The following CRISPLD1 variants were observed in gnomAD, a reference collection of about 807,000 sequenced individuals.
The protein encoded by CRISPLD1 is cysteine rich secretory protein LCCL domain containing 1, also known as cysteine-rich secretory protein LCCL domain-containing 1.
Under a neutral mutation model 77.5 loss-of-function variants are expected in CRISPLD1, and 60 were observed. The ratio of observed to expected loss-of-function variants is 0.77; its 90% CI spans 0.63 to 0.96. The LOEUF (loss-of-function observed/expected upper bound fraction) is 0.96, where lower values mean the gene tolerates loss of function less well. Ranked by LOEUF, CRISPLD1 falls within the 40% of genes least tolerant of loss-of-function variation. The pLI is 0.00. For missense variants in CRISPLD1, 623 were observed against 615.8 expected (o/e 1.01, Z -0.12); for synonymous variants, 195 against 200.1 (o/e 0.97, Z 0.22).
intron 2 of CRISPLD1, among the ~76,000 whole-genome samples, chr8:75,008,072 A>G (rs1456970166): frequency 6.6e-6 from 1 of 152,190 alleles, no homozygotes; most frequent in Admixed American, 6.5e-5. Context: ...ACTAGTTTAA[A>G]AATATCATTG....
intron 4 of CRISPLD1, among the ~76,000 whole-genome samples, chr8:75,013,694 A>C (rs1040731384): frequency 6.6e-6 from 1 of 152,168 alleles, no homozygotes; most frequent in Admixed American, 6.5e-5. Context: ...AGAAATGTTA[A>C]TATGACATTA....
chr8:75,014,129 A>G lies in CRISPLD1; in HGVS notation c.626+27A>G, dbSNP rs543642319. Reference sequence around the variant, plus strand: ...TGAGTAGACAAAACACTACGTTCAGATGTACATTTTTCTTAACAAAATGAA... The same window carrying G: ...TGAGTAGACAAAACACTACGTTCAGGTGTACATTTTTCTTAACAAAATGAA... On this transcript the variant is annotated intron_variant, in intron 5 of 14. Coordinates refer to ENST00000262207, the MANE Select transcript of CRISPLD1 (RefSeq NM_031461.6). 8 of 1,388,832 alleles carry G rather than the reference A, an allele frequency of 5.8e-6. No individual in the cohort carries two copies. In the South Asian group the frequency reaches 9.3e-5, roughly 16 times the overall value. 86.0% of individuals were successfully genotyped at this position (1,388,832 alleles called of 1,614,324 possible). A position where few individuals can be genotyped will look rare whatever the true frequency, so the allele number is the denominator to read the frequency against.
chr8:75,011,008 C>T (rs1479442844), intron 2 of CRISPLD1, among the ~76,000 whole-genome samples: 1 of 151,890 alleles, frequency 6.6e-6, no homozygotes, highest in Non-Finnish European at 1.5e-5. Context: ...TTTCTCTTTC[C>T]CTATTTCCTT....
intron 6 of CRISPLD1, 108 bp downstream of exon 6, chr8:75,015,020 G>A (rs960575223): frequency 7.0e-6 from 4 of 570,964 alleles, no homozygotes; most frequent in Non-Finnish European, 1.2e-5. Flanking sequence ...CACACGAAAA[G>A]TATCTAGAAC....
chr8:75,017,552 G>T (rs1409124395), intron 10 of CRISPLD1, 102 bp downstream of exon 10: 3 of 1,034,882 alleles, frequency 2.9e-6, no homozygotes, highest in Admixed American at 3.0e-5. Flanking sequence ...TAAGAAGAAA[G>T]AATTTGGTTA....
intron 2 of CRISPLD1, among the ~76,000 whole-genome samples, chr8:75,001,727 A>C (rs1812745447): frequency 6.8e-6 from 1 of 147,928 alleles, no homozygotes; most frequent in African/African-American, 2.4e-5. Context: ...TTTAAGCCTC[A>C]ATTATGGAGA....
intron 14 of CRISPLD1, among the ~76,000 whole-genome samples, chr8:75,031,565 CTCTGTGTGTGTG>C (rs202023787): frequency 0.025 from 2,180 of 87,558 alleles, 51 homozygotes; most frequent in East Asian, 0.11. Context: ...AGATTGAATG[CTCTGTGTGTGTG>C]TGTGTGTGTG....
At chr8:74,985,311 A>G (rs558403271) in intron 1 of CRISPLD1, among the ~76,000 whole-genome samples, 1 of 152,292 alleles carries the variant, frequency 6.6e-6, no homozygotes, top group Non-Finnish European at 1.5e-5. Context: ...CTGAATAGGA[A>G]GAGACTTACC....
chr8:75,031,390 G>A (rs544624924), intron 14 of CRISPLD1, among the ~76,000 whole-genome samples: 2 of 151,990 alleles, frequency 1.3e-5, no homozygotes, highest in East Asian at 3.9e-4. Flanking sequence ...CAGTTGATTT[G>A]AATAAATAAT....
Position 75,032,271 on chromosome 8 carries a change from G to C in CRISPLD1, c.*29G>C, listed in dbSNP as rs770891151. ...TGAATACTTGGAAGAGGACCATAAAGACTATTCCAAATGCAATATTTCTGA... is the reference window on the plus strand; with the variant it reads ...TGAATACTTGGAAGAGGACCATAAACACTATTCCAAATGCAATATTTCTGA... On this transcript the variant is annotated 3_prime_UTR_variant, in exon 15 of 15. Transcript: ENST00000262207. 1 of 1,537,208 alleles carries C rather than the reference G, an allele frequency of 6.5e-7. No individual in the cohort carries two copies. Among genetic ancestry groups the C allele is most frequent in the Admixed American group, 1.7e-5 (1 of 57,862 alleles).
At chr8:75,023,791 CGTGT>C (rs892160096) in intron 12 of CRISPLD1, among the ~76,000 whole-genome samples, 4 of 67,616 alleles carry the variant, frequency 5.9e-5, no homozygotes, top group Non-Finnish European at 8.9e-5. Context: ...GTGATGAGTG[CGTGT>C]GTGTGTGTGT....
rs369315795 is a variant in CRISPLD1, at chr8:75,016,710, G to T, written c.868+5G>T. On this transcript the variant is annotated splice_donor_5th_base_variant and intron_variant, in intron 7 of 14. Coordinates refer to ENST00000262207, the MANE Select transcript of CRISPLD1 (RefSeq NM_031461.6). ...TCATAAGCGCACAGCAAATGTGTAA[G>T]ACCTCCATATTACTTATAAAAATTT... 6.2e-7 allele frequency: 1 copy of T among 1,609,170 alleles called. No homozygotes were observed. Among genetic ancestry groups the T allele is most frequent in the Non-Finnish European group, 8.5e-7 (1 of 1,177,908 alleles).
chr8:74,992,299 A>AT lies in CRISPLD1; in HGVS notation c.258+6060dup, dbSNP rs537259028. Among the ~76,000 whole-genome samples the AT allele has an allele frequency of 4.6e-3, 695 of 152,192 alleles. 2 individuals are homozygous for AT. Among genetic ancestry groups the AT allele is most frequent in the Non-Finnish European group, 7.9e-3 (537 of 68,018 alleles). On this transcript the variant is annotated intron_variant, in intron 2 of 14. Coordinates refer to ENST00000262207, the MANE Select transcript of CRISPLD1 (RefSeq NM_031461.6). The stretch of plus-strand genomic sequence containing the variant: ...GTATAAATGCTTCAAATAATTCAGG[A>AT]TTTTTTCCCTAGTTTTTCAAATTTT...
intron 6 of CRISPLD1, among the ~76,000 whole-genome samples, chr8:75,016,329 T>C (rs1389426749): frequency 2.0e-5 from 3 of 152,194 alleles, no homozygotes; most frequent in Non-Finnish European, 1.5e-5. Flanking sequence ...AGTGGCTTCA[T>C]TGAATATTAG....
chr8:75,015,838 T>C (rs189924419), intron 6 of CRISPLD1, among the ~76,000 whole-genome samples: 3 of 152,244 alleles, frequency 2.0e-5, no homozygotes, highest in Admixed American at 1.3e-4. Flanking sequence ...ACCTCCAACC[T>C]ACCTGCCTCT....
intron 6 of CRISPLD1, 32 bp from the exon 7 acceptor site, chr8:75,016,533 T>C (rs761451604): frequency 1.3e-6 from 2 of 1,584,470 alleles, no homozygotes; most frequent in Non-Finnish European, 1.7e-6. Flanking sequence ...TAAAATAGGG[T>C]TAATATTTCC....
intron 2 of CRISPLD1, among the ~76,000 whole-genome samples, chr8:74,999,976 A>G (rs1052893475): frequency 3.3e-5 from 5 of 151,086 alleles, no homozygotes; most frequent in African/African-American, 1.2e-4. Flanking sequence ...CTTAAAGGCC[A>G]TATGAGTAAG....
chr8:75,017,489 A>C, intron 10 of CRISPLD1, 39 bp downstream of exon 10: 1 of 1,542,526 alleles, frequency 6.5e-7, no homozygotes, highest in Non-Finnish European at 8.7e-7. Context: ...GATAATTTTA[A>C]ATTGTAACAG....
In CRISPLD1 at chr8:75,017,076, G is replaced by A; in HGVS notation, c.959G>A (p.Ser320Asn). 2 of 1,612,608 alleles carry A rather than the reference G, an allele frequency of 1.2e-6. No individual in the cohort carries two copies. Among genetic ancestry groups the A allele is most frequent in the Non-Finnish European group, 1.7e-6 (2 of 1,179,236 alleles). Residue 320 changes from serine (S) to asparagine (N), a missense_variant, in exon 9 of 15, where the codon AGT becomes AAT. Transcript: ENST00000262207. The stretch of plus-strand genomic sequence containing the variant: ...GAATGTCCTGCTGGCTGTTTGGATA[G>A]TAAAGCTAAAGTTATTGGCAGTGTA... ...RYECPAGCLD[S>N]KAKVIGSVHY...
Sources: allele counts gnomAD v4.1 joint callset (sites outside exome capture counted in the v4.1 genomes callset), GRCh38; gene constraint gnomAD v4.1.1; transcripts MANE v1.5; gene names NCBI Gene and HGNC (gene_info 2026-07-23, HGNC 2026-07-21).